The following NKAIN2 variants were observed in gnomAD, a reference collection of about 807,000 sequenced individuals.
NKAIN2 encodes the protein sodium/potassium transporting ATPase interacting 2.
Under a neutral mutation model 32.6 loss-of-function variants are expected in NKAIN2, and 14 were observed. The observed-to-expected ratio is 0.43, with a 90% CI of 0.28 to 0.67. The LOEUF (loss-of-function observed/expected upper bound fraction) is 0.67. Ranked by LOEUF, NKAIN2 falls within the 30% of genes least tolerant of loss-of-function variation. The pLI is 0.17. For missense variants in NKAIN2, 198 were observed against 258.3 expected (o/e 0.77, Z 1.60); for synonymous variants, 80 against 87.2 (o/e 0.92, Z 0.46).
chr6:124,119,764 G>A (rs1421050857), intron 1 of NKAIN2, among the ~76,000 whole-genome samples: 1 of 152,152 alleles, frequency 6.6e-6, no homozygotes, highest in Non-Finnish European at 1.5e-5. Context: ...CAAGGCATGT[G>A]GCCTCCAGTG....
chr6:124,464,917 A>T (rs1486780643), intron 3 of NKAIN2, among the ~76,000 whole-genome samples: 1 of 152,034 alleles, frequency 6.6e-6, no homozygotes, highest in Non-Finnish European at 1.5e-5. Context: ...AGTCAATGGT[A>T]GCTTCATGGG....
intron 3 of NKAIN2, among the ~76,000 whole-genome samples, chr6:124,436,566 A>G (rs1775453331): frequency 6.6e-6 from 1 of 152,098 alleles, no homozygotes; most frequent in Non-Finnish European, 1.5e-5. Flanking sequence ...TAATCCCAGA[A>G]CTGGAATTTA....
chr6:124,744,765 A>G (rs1777376777), intron 4 of NKAIN2, among the ~76,000 whole-genome samples: 1 of 152,028 alleles, frequency 6.6e-6, no homozygotes. Flanking sequence ...ATTACGGAAT[A>G]CAGAGATTTT....
At chr6:124,097,008 A>C (rs868771818) in intron 1 of NKAIN2, among the ~76,000 whole-genome samples, 63 of 152,346 alleles carry the variant, frequency 4.1e-4, no homozygotes, top group Middle Eastern at 3.4e-3. Flanking sequence ...TTGACAACAC[A>C]CCTGAATAAG....
intron 1 of NKAIN2, among the ~76,000 whole-genome samples, chr6:123,837,254 G>A (rs759178830): frequency 4.6e-5 from 7 of 151,150 alleles, no homozygotes; most frequent in Non-Finnish European, 1.0e-4. Context: ...CACCATTCTC[G>A]GAGAAAGTGA....
chr6:124,219,326 G>A (rs1791674039), intron 1 of NKAIN2, among the ~76,000 whole-genome samples: 1 of 148,730 alleles, frequency 6.7e-6, no homozygotes, highest in South Asian at 2.1e-4. Flanking sequence ...CGCCCAGGCT[G>A]GACTGCAGTG....
intron 3 of NKAIN2, among the ~76,000 whole-genome samples, chr6:124,502,514 T>G (rs1196472356): frequency 6.6e-6 from 1 of 152,234 alleles, no homozygotes; most frequent in Non-Finnish European, 1.5e-5. Flanking sequence ...TGCAAAAATG[T>G]ATAATGTGTT....
chr6:124,042,106 G>A (rs575154614), intron 1 of NKAIN2, among the ~76,000 whole-genome samples: 20 of 152,084 alleles, frequency 1.3e-4, no homozygotes, highest in African/African-American at 4.1e-4. Context: ...TGATTACCTC[G>A]GACTTACCAC....
chr6:124,634,969 AAGAAAGAAAG>A (rs1378845775), intron 3 of NKAIN2, among the ~76,000 whole-genome samples: 2 of 150,476 alleles, frequency 1.3e-5, no homozygotes, highest in East Asian at 1.9e-4. Flanking sequence ...CTGAAAGAGA[AAGAAAGAAAG>A]AGAAAGAAGA....
chr6:124,448,206 C>T (rs955330718), intron 3 of NKAIN2, among the ~76,000 whole-genome samples: 6 of 152,060 alleles, frequency 3.9e-5, no homozygotes, highest in African/African-American at 1.4e-4. Context: ...GGATGAATCT[C>T]CTTTAATTCT....
chr6:123,887,148 C>T (rs1773758378), intron 1 of NKAIN2, among the ~76,000 whole-genome samples: 1 of 151,826 alleles, frequency 6.6e-6, no homozygotes, highest in South Asian at 2.1e-4. Flanking sequence ...AATTCATTAA[C>T]TAATGACATT....
intron 1 of NKAIN2, among the ~76,000 whole-genome samples, chr6:124,052,184 T>C (rs1259842423): frequency 6.6e-6 from 1 of 152,078 alleles, no homozygotes; most frequent in East Asian, 1.9e-4. Context: ...GACCATGTTA[T>C]AGATGAAGAA....
At chr6:124,551,183 T>G (rs1392508673) in intron 3 of NKAIN2, among the ~76,000 whole-genome samples, 3 of 152,172 alleles carry the variant, frequency 2.0e-5, no homozygotes, top group African/African-American at 7.2e-5. Flanking sequence ...GATGTAATGG[T>G]GGGCCATAAA....
chr6:124,703,183 A>T (rs982705752), intron 4 of NKAIN2, among the ~76,000 whole-genome samples: 2 of 152,042 alleles, frequency 1.3e-5, no homozygotes, highest in African/African-American at 4.8e-5. Flanking sequence ...GAACAAACCA[A>T]TGATCCTTCA....
intron 1 of NKAIN2, among the ~76,000 whole-genome samples, chr6:124,260,872 G>A (rs775142421): frequency 6.6e-6 from 1 of 152,154 alleles, no homozygotes; most frequent in Non-Finnish European, 1.5e-5. Flanking sequence ...GCTGCAGTCT[G>A]AGAATTTTGA....
intron 1 of NKAIN2, among the ~76,000 whole-genome samples, chr6:124,220,763 G>A (rs1459508360): frequency 1.3e-5 from 2 of 151,940 alleles, no homozygotes; most frequent in Non-Finnish European, 2.9e-5. Context: ...TGTAAGTCCT[G>A]TGAGAGTGGG....
At chr6:124,207,364 GC>G (rs1414786843) in intron 1 of NKAIN2, among the ~76,000 whole-genome samples, 1 of 150,968 alleles carries the variant, frequency 6.6e-6, no homozygotes, top group East Asian at 1.9e-4. Context: ...CTATTAAGGG[GC>G]TCTTATCTTA....
chr6:124,194,143 C>G (rs945317850), intron 1 of NKAIN2, among the ~76,000 whole-genome samples: 2 of 151,856 alleles, frequency 1.3e-5, no homozygotes, highest in African/African-American at 4.8e-5. Context: ...AGTTCCCACT[C>G]TGGTCAGCAA....
intron 1 of NKAIN2, among the ~76,000 whole-genome samples, chr6:124,272,389 G>T (rs1448653838): frequency 1.3e-5 from 2 of 152,188 alleles, no homozygotes. Flanking sequence ...CTTTGCTTCA[G>T]AGTGTTCAAA....
Sources: gnomAD v4.1 joint callset for allele counts (sites outside exome capture counted in the v4.1 genomes callset) on GRCh38, gnomAD v4.1.1 for gene constraint, MANE v1.5 for transcripts, NCBI Gene and HGNC (gene_info 2026-07-23, HGNC 2026-07-21) for gene names.